ATP2C1: variants seen among roughly 807,000 people sequenced by gnomAD.
The protein encoded by ATP2C1 is ATPase secretory pathway Ca2+ transporting 1.
ATP2C1 carries 31 observed loss-of-function variants against 120.5 expected under a neutral mutation model. The ratio of observed to expected loss-of-function variants is 0.26; its 90% CI spans 0.19 to 0.35. The LOEUF (loss-of-function observed/expected upper bound fraction) is 0.35. Ranked by LOEUF, ATP2C1 falls within the 10% of genes least tolerant of loss-of-function variation. The pLI, the probability that ATP2C1 is intolerant of heterozygous loss-of-function variation, is 1.00. For missense variants in ATP2C1, 731 were observed against 1,107.5 expected (o/e 0.66, Z 4.83); for synonymous variants, 351 against 358.7 (o/e 0.98, Z 0.24).
At chr3:130,862,001 T>A (rs2068028719) in intron 1 of ATP2C1, among the ~76,000 whole-genome samples, 1 of 152,080 alleles carries the variant, frequency 6.6e-6, no homozygotes, top group African/African-American at 2.4e-5. Context: ...TGAGATGGAG[T>A]TTCGCTCTGT....
chr3:130,949,877 A>G (rs1409082569), intron 8 of ATP2C1, among the ~76,000 whole-genome samples: 1 of 152,126 alleles, frequency 6.6e-6, no homozygotes, highest in African/African-American at 2.4e-5. Flanking sequence ...TCAGGCAGCT[A>G]CAGGTGAATA....
chr3:131,014,148 T>C lies in ATP2C1; in HGVS notation c.2630-2004T>C, dbSNP rs756278955. 1.9e-5 allele frequency: 31 copies of C among 1,613,894 alleles called. No individual in the cohort carries two copies. The Middle Eastern group carries it at 6.6e-4, about 34-fold the overall frequency. On this transcript the variant is annotated intron_variant, in intron 26 of 26. Coordinates refer to the ATP2C1 transcript ENST00000328560. ...GTTTCCCTCATACCAACACTTGGTG[T>C]GTGCAGTGGTTCTCCCTCTGTTCTT...
In ATP2C1 at chr3:130,902,284, GTTTTTT is replaced by G. The variant is rs1157956407; in HGVS notation, c.6+7516_6+7521del. Among the ~76,000 whole-genome samples the G allele has an allele frequency of 1.3e-3, 82 of 65,510 alleles. 1 individual carries two copies. The highest frequency in any genetic ancestry group is 4.4e-3 in the African/African-American group (78 of 17,738). 43.0% of individuals were successfully genotyped at this position (65,510 alleles called of 152,430 possible). A position where few individuals can be genotyped will look rare whatever the true frequency, so the allele number is the denominator to read the frequency against. ...TTAACTGCTAATTTCAAGGCTTCAC[GTTTTTT>G]TTTTTTGTTTTTTTTTTTTTTTTTT... On this transcript the variant is annotated intron_variant, in intron 2 of 27. Transcript: ENST00000510168.
At chr3:130,891,396 G>C (rs1001138025), upstream of ATP2C1, among the ~76,000 whole-genome samples, 3 of 152,164 alleles carry the variant, frequency 2.0e-5, no homozygotes, top group Non-Finnish European at 4.4e-5. Flanking sequence ...AGAATGTCAT[G>C]ACCATTCTTC....
At chr3:130,866,430 C>G (rs2068178982) in intron 1 of ATP2C1, among the ~76,000 whole-genome samples, 1 of 152,174 alleles carries the variant, frequency 6.6e-6, no homozygotes, top group Non-Finnish European at 1.5e-5. Context: ...TTTATCCTTA[C>G]TTTGTGAAGC....
chr3:130,891,642 A>G (rs2069171381), upstream of ATP2C1, among the ~76,000 whole-genome samples: 1 of 152,188 alleles, frequency 6.6e-6, no homozygotes, highest in South Asian at 2.1e-4. Flanking sequence ...CTAACACTCC[A>G]GGGATTTCCT....
Position 130,959,349 on chromosome 3 carries a change from T to C in ATP2C1, c.899+8T>C. 6.3e-7 allele frequency: 1 copy of C among 1,586,160 alleles called. No homozygotes were observed. The highest frequency in any genetic ancestry group is 1.1e-5 in the South Asian group (1 of 90,474). On this transcript the variant is annotated splice_region_variant and intron_variant, in intron 12 of 27. Coordinates refer to ENST00000510168, the MANE Select transcript of ATP2C1 (RefSeq NM_001378687.1). ...GTTTACTATTAGTGTAAGGTAAGTCTCAATACTTTATAATTGGAGTCTCTT... is the reference window on the plus strand; with the variant it reads ...GTTTACTATTAGTGTAAGGTAAGTCCCAATACTTTATAATTGGAGTCTCTT...
At chr3:130,972,967 C>G (rs930342982) in intron 17 of ATP2C1, among the ~76,000 whole-genome samples, 10 of 151,536 alleles carry the variant, frequency 6.6e-5, no homozygotes, top group Admixed American at 3.3e-4. Flanking sequence ...TTCCAAAAAC[C>G]ATAAAAAAGA....
chr3:130,964,172 A>G (rs2060948854), intron 13 of ATP2C1, 77 bp downstream of exon 13: 3 of 1,584,944 alleles, frequency 1.9e-6, no homozygotes, highest in Non-Finnish European at 8.6e-7. Flanking sequence ...AGAGTTTTAC[A>G]GTTTTTATCT....
chr3:130,955,875 A>G lies in ATP2C1; in HGVS notation c.757-229A>G, dbSNP rs2060559787. ...ATAGAGAGAACGGACCTTTTCAAAT[A>G]ATAAACAGGTTTTTAAAAATAGAGA... On this transcript the variant is annotated intron_variant, in intron 10 of 27. Transcript: ENST00000510168. The G allele has an allele frequency of 1.6e-5, 7 of 444,568 alleles. No homozygotes were observed. The South Asian group carries it at 1.6e-4, about 10-fold the overall frequency. 27.5% of individuals were successfully genotyped at this position (444,568 alleles called of 1,614,324 possible).
chr3:130,895,295 T>C (rs565754750), intron 2 of ATP2C1, among the ~76,000 whole-genome samples: 1 of 152,328 alleles, frequency 6.6e-6, no homozygotes, highest in South Asian at 2.1e-4. Context: ...TGAAATGTTA[T>C]GAGATGAGTG....
chr3:130,907,613 T>A (rs1487369969), intron 2 of ATP2C1, among the ~76,000 whole-genome samples: 1 of 152,082 alleles, frequency 6.6e-6, no homozygotes, highest in Non-Finnish European at 1.5e-5. Flanking sequence ...TGAATTCTAT[T>A]CTGTTGGTTT....
Position 130,883,478 on chromosome 3 carries a change from CT to C in ATP2C1, c.108+32551del, listed in dbSNP as rs35962936. Among the ~76,000 whole-genome samples the C allele has an allele frequency of 1.7e-4, 9 of 54,080 alleles. No individual in the cohort carries two copies. In the South Asian group the frequency reaches 2.2e-3, roughly 13 times the overall value. The allele number at this position is 54,080 out of a possible 152,430, so 35.5% of individuals were successfully genotyped here. The stretch of plus-strand genomic sequence containing the variant: ...TTTCTTCTCCTTCTTTTTTTTTTTT[CT>C]CCACAGAGTTTTGCTCTGTCACCTA... On this transcript the variant is annotated intron_variant, in intron 1 of 26. Coordinates refer to the ATP2C1 transcript ENST00000504381.
In ATP2C1 at chr3:130,997,731, C is replaced by G. The variant is rs2108931826; in HGVS notation, c.2369C>G (p.Thr790Ser). 1 of 1,613,472 alleles carries G rather than the reference C, an allele frequency of 6.2e-7. No homozygotes were observed. The highest frequency in any genetic ancestry group is 1.1e-5 in the South Asian group (1 of 91,068). The change falls in exon 25 of 28, where the codon ACT becomes AGT. Residue 790 changes from threonine (T) to serine (S), a missense_variant. By Grantham distance (58) the Thr-to-Ser change is moderately conservative. Coordinates refer to ENST00000510168, the MANE Select transcript of ATP2C1 (RefSeq NM_001378687.1). ...TCATCAATAATCATTGTTTGTGGGA[C>G]TTTGTTTGTCTTCTGGCGTGAGGTA... The part of the protein sequence containing the change: ...LVSSIIIVCG[T>S]LFVFWRELRD...
chr3:130,972,968 A>G (rs1033990065), intron 17 of ATP2C1, among the ~76,000 whole-genome samples: 2 of 152,148 alleles, frequency 1.3e-5, no homozygotes, highest in African/African-American at 2.4e-5. Flanking sequence ...TCCAAAAACC[A>G]TAAAAAAGAC....
chr3:130,929,346 G>A (rs901407606), intron 2 of ATP2C1, among the ~76,000 whole-genome samples: 3 of 152,110 alleles, frequency 2.0e-5, no homozygotes, highest in Non-Finnish European at 2.9e-5. Flanking sequence ...TGGAGTAAAT[G>A]CAAAAAGCCT....
At position 130,936,658 on chromosome 3, in the gene ATP2C1, A is replaced by T. The variant is rs1050170784; in HGVS notation, c.325-770A>T. On this transcript the variant is annotated intron_variant, in intron 5 of 27. Transcript: ENST00000510168. ...AAACCCCGTCTCTACTAAAAATACA[A>T]AAAAAAAAATTAGCTGGGCGTGGTG... is the stretch of plus-strand genomic sequence containing the variant. 2.7e-5 allele frequency among the ~76,000 whole-genome samples: 4 copies of T among 149,094 alleles called. No individual in the cohort carries two copies. The East Asian group carries it at 7.9e-4, about 29-fold the overall frequency.
chr3:130,979,501 G>A, intron 19 of ATP2C1, 82 bp downstream of exon 19: 1 of 1,378,764 alleles, frequency 7.3e-7, no homozygotes, highest in Non-Finnish European at 1.0e-6. Context: ...TATTAGTTAT[G>A]AATATGTTTA....
Position 130,959,369 on chromosome 3 carries a change from T to C in ATP2C1, c.899+28T>C, listed in dbSNP as rs988972276. 6 of 1,497,184 alleles carry C rather than the reference T, an allele frequency of 4.0e-6. No individual in the cohort carries two copies. In the African/African-American group the frequency reaches 6.9e-5, roughly 17 times the overall value. 92.7% of individuals were successfully genotyped at this position (1,497,184 alleles called of 1,614,324 possible). On this transcript the variant is annotated intron_variant, in intron 12 of 27. Coordinates refer to ENST00000510168, the MANE Select transcript of ATP2C1 (RefSeq NM_001378687.1). The stretch of plus-strand genomic sequence containing the variant: ...AAGTCTCAATACTTTATAATTGGAG[T>C]CTCTTTTGCCTCTTTTATTTCTCTA...
Sources: allele counts gnomAD v4.1 joint callset (sites outside exome capture counted in the v4.1 genomes callset), GRCh38; gene constraint gnomAD v4.1.1; transcripts MANE v1.5; gene names NCBI Gene and HGNC (gene_info 2026-07-23, HGNC 2026-07-21).